The following CCDC7 variants were observed in gnomAD, a reference collection of about 807,000 sequenced individuals.
CCDC7 encodes the protein coiled-coil domain-containing protein 7.
Under a neutral mutation model 196.9 loss-of-function variants are expected in CCDC7, and 183 were observed. That is an observed-to-expected ratio of 0.93 (90% confidence interval 0.82 to 1.05). The LOEUF (loss-of-function observed/expected upper bound fraction) is 1.05. Among genes scored for constraint, CCDC7 ranks in the 50% least tolerant of loss-of-function variants. The probability of loss-of-function intolerance (pLI) is 0.00; values close to 1 mark genes in which losing one functional copy is unlikely to be tolerated. For synonymous variants in CCDC7, 525 were observed against 484.6 expected (o/e 1.08, Z -1.10); for missense variants, 1,540 against 1,482.2 (o/e 1.04, Z -0.64).
chr10:32,701,947 T>C (rs959728277), intron 24 of CCDC7, among the ~76,000 whole-genome samples: 4 of 152,050 alleles, frequency 2.6e-5, no homozygotes, highest in African/African-American at 9.7e-5. Flanking sequence ...TCTGTCAATT[T>C]TGTTGGTCTT....
chr10:32,664,086 C>A (rs144925222), exon 21 of CCDC7: 4 of 396,206 alleles, frequency 1.0e-5, no homozygotes, highest in African/African-American at 8.3e-5. Flanking sequence ...AAATCTTATG[C>A]TTGAACAAGA....
chr10:32,877,550 C>T (rs1056971036), downstream of CCDC7, among the ~76,000 whole-genome samples: 3 of 152,032 alleles, frequency 2.0e-5, no homozygotes, highest in African/African-American at 7.2e-5. Context: ...TAAACTAGAT[C>T]CAATCCAGCT....
chr10:32,657,757 G>C (rs2070291803), intron 20 of CCDC7, among the ~76,000 whole-genome samples: 1 of 152,322 alleles, frequency 6.6e-6, no homozygotes, highest in Non-Finnish European at 1.5e-5. Flanking sequence ...AATTTCTGCA[G>C]CAGGCTTGAA....
chr10:32,531,476 T>A (rs1008361156), intron 11 of CCDC7, among the ~76,000 whole-genome samples: 3 of 152,164 alleles, frequency 2.0e-5, no homozygotes, highest in Non-Finnish European at 4.4e-5. Flanking sequence ...TGTTGCAGAT[T>A]TTTACATCTA....
At chr10:32,499,415 T>C (rs934708400) in intron 9 of CCDC7, 3 of 152,148 alleles carry the variant, frequency 2.0e-5, no homozygotes, top group African/African-American at 7.2e-5. Context: ...GATTCCAGAA[T>C]TATCTTCTGC....
chr10:32,473,336 A>G (rs560342952), intron 7 of CCDC7, among the ~76,000 whole-genome samples: 2 of 152,364 alleles, frequency 1.3e-5, no homozygotes, highest in African/African-American at 4.8e-5. Context: ...GCATGAACAA[A>G]CAACATGCAT....
chr10:32,843,099 A>C (rs1373249992), intron 33 of CCDC7, among the ~76,000 whole-genome samples: 1 of 150,694 alleles, frequency 6.6e-6, no homozygotes, highest in African/African-American at 2.5e-5. Flanking sequence ...TAAAAAAATA[A>C]ATTTTTTTAA....
At chr10:32,583,134 G>GGA (rs2058905500) in exon 17 of CCDC7, 1 of 1,231,448 alleles carries the variant, frequency 8.1e-7, no homozygotes, top group African/African-American at 1.6e-5. Context: ...TGAAGTTTCA[G>GGA]TTGCTGAAAA....
In CCDC7 at chr10:32,845,526, C is replaced by G. The variant is rs1287751266; in HGVS notation, c.3437-17C>G. 2 of 1,570,696 alleles carry G rather than the reference C, an allele frequency of 1.3e-6. No homozygotes were observed. Among genetic ancestry groups the G allele is most frequent in the South Asian group, 2.3e-5 (2 of 87,326 alleles). ...ATAATCTTACAAAATATACTGAAAT[C>G]TGTTTTATTTCTATAGAGACTGATA... is the stretch of plus-strand genomic sequence containing the variant. On this transcript the variant is annotated splice_polypyrimidine_tract_variant and intron_variant, in intron 34 of 41. Coordinates refer to ENST00000639629, the Ensembl canonical transcript of CCDC7.
intron 29 of CCDC7, among the ~76,000 whole-genome samples, chr10:32,787,697 C>A (rs2082085834): frequency 6.6e-6 from 1 of 152,184 alleles, no homozygotes; most frequent in African/African-American, 2.4e-5. Context: ...CAAGCCCACC[C>A]CAATGCCAGG....
intron 28 of CCDC7, among the ~76,000 whole-genome samples, chr10:32,770,148 C>T (rs1380521099): frequency 2.0e-5 from 3 of 152,016 alleles, no homozygotes; most frequent in Non-Finnish European, 4.4e-5. Flanking sequence ...TATTTCTTTT[C>T]TTCTGCTAGT....
At chr10:32,720,440 G>T (rs191860285) in intron 25 of CCDC7, among the ~76,000 whole-genome samples, 62 of 152,134 alleles carry the variant, frequency 4.1e-4, no homozygotes, top group African/African-American at 1.4e-3. Context: ...GGGGTCAAGG[G>T]GAGGGATAGC....
At chr10:32,626,315 A>G (rs1394028302) in intron 18 of CCDC7, among the ~76,000 whole-genome samples, 1 of 152,086 alleles carries the variant, frequency 6.6e-6, no homozygotes, top group Non-Finnish European at 1.5e-5. Context: ...CTTAATAATT[A>G]ATGATGTTGA....
intron 20 of CCDC7, among the ~76,000 whole-genome samples, chr10:32,644,767 G>T (rs2067458688): frequency 6.6e-6 from 1 of 152,198 alleles, no homozygotes; most frequent in African/African-American, 2.4e-5. Flanking sequence ...CACCATGTGA[G>T]ACGTGCCTTT....
At chr10:32,801,831 T>G (rs1228845468) in intron 29 of CCDC7, among the ~76,000 whole-genome samples, 1 of 152,160 alleles carries the variant, frequency 6.6e-6, no homozygotes, top group East Asian at 1.9e-4. Flanking sequence ...GGTCATAGAT[T>G]GGGAAGGGGA....
Position 32,510,804 on chromosome 10 carries a change from G to T in CCDC7, c.873-7141G>T, listed in dbSNP as rs142081980. On this transcript the variant is annotated intron_variant, in intron 9 of 41. Coordinates refer to ENST00000639629, the Ensembl canonical transcript of CCDC7. Reference sequence around the variant, plus strand: ...CCATAAAGTTTTAGTTTTACACTTTGAATATCAACAAAGCAGTAATTCCTA... The same window carrying T: ...CCATAAAGTTTTAGTTTTACACTTTTAATATCAACAAAGCAGTAATTCCTA... Among the ~76,000 whole-genome samples the T allele has an allele frequency of 7.9e-3, 1,201 of 152,016 alleles. 7 individuals carry two copies. Among genetic ancestry groups the T allele is most frequent in the Middle Eastern group, 0.021 (6 of 292 alleles).
intron 31 of CCDC7, among the ~76,000 whole-genome samples, chr10:32,817,561 G>A (rs2089021194): frequency 6.6e-6 from 1 of 152,034 alleles, no homozygotes; most frequent in Non-Finnish European, 1.5e-5. Context: ...TGAAATGAAG[G>A]AAAAAATGTT....
intron 23 of CCDC7, among the ~76,000 whole-genome samples, chr10:32,691,462 A>G (rs1395845328): frequency 6.6e-6 from 1 of 152,004 alleles, no homozygotes; most frequent in African/African-American, 2.4e-5. Flanking sequence ...TTCACTGGTC[A>G]CACATTGCTA....
intron 8 of CCDC7, among the ~76,000 whole-genome samples, chr10:32,487,375 T>G (rs2041329565): frequency 6.6e-6 from 1 of 152,228 alleles, no homozygotes; most frequent in Non-Finnish European, 1.5e-5. Context: ...TTATTCTAGT[T>G]AGCCATTCGT....
Sources: gnomAD v4.1 joint callset for allele counts (sites outside exome capture counted in the v4.1 genomes callset) on GRCh38, gnomAD v4.1.1 for gene constraint, MANE v1.5 for transcripts, NCBI Gene and HGNC (gene_info 2026-07-23, HGNC 2026-07-21) for gene names.